The following CDIN1 variants were observed in gnomAD, a reference collection of about 807,000 sequenced individuals.
CDIN1 encodes CDAN1-interacting nuclease 1.
Under a neutral mutation model 45.3 loss-of-function variants are expected in CDIN1, and 33 were observed. That is an observed-to-expected ratio of 0.73 (90% CI 0.55 to 0.97). The LOEUF (loss-of-function observed/expected upper bound fraction) is 0.97, where lower values mean the gene tolerates loss of function less well. CDIN1 is among the 50% of genes least tolerant of loss of function. The pLI, the probability that CDIN1 is intolerant of heterozygous loss-of-function variation, is 0.00. For synonymous variants in CDIN1, 118 were observed against 124.4 expected (o/e 0.95, Z 0.34); for missense variants, 303 against 339.4 (o/e 0.89, Z 0.84).
intron 5 of CDIN1, among the ~76,000 whole-genome samples, chr15:36,665,677 A>T (rs1055954395): frequency 8.4e-6 from 1 of 119,342 alleles, no homozygotes; most frequent in African/African-American, 2.9e-5. Context: ...ATTTGGACAG[A>T]GATGGTCTTT....
intron 5 of CDIN1, among the ~76,000 whole-genome samples, chr15:36,686,894 AGAGAGAGG>A (rs1466931224): frequency 9.8e-6 from 1 of 101,938 alleles, no homozygotes; most frequent in East Asian, 3.3e-4. Flanking sequence ...AGGGTGGGAG[AGAGAGAGG>A]GAGGGAGAGA....
At chr15:36,660,436 T>A (rs1043843480) in intron 5 of CDIN1, among the ~76,000 whole-genome samples, 32 of 152,214 alleles carry the variant, frequency 2.1e-4, no homozygotes, top group African/African-American at 6.8e-4. Context: ...ATTACTTTCA[T>A]TAGATCAATG....
rs570614756 is a variant in CDIN1, at chr15:36,606,586, C to A, written c.101+26625C>A. ...GAAAAATCATCCAAAATAAGCCATA[C>A]AGGACAAAGGCTAAAAAGCTTCTGG... On this transcript the variant is annotated intron_variant, in intron 1 of 10. Coordinates refer to ENST00000566621, the MANE Select transcript of CDIN1 (RefSeq NM_001321759.2). Among the ~76,000 whole-genome samples, 44 of 152,258 alleles carry A rather than the reference C, an allele frequency of 2.9e-4. 1 individual carries two copies. The highest frequency in any genetic ancestry group is 4.6e-4 in the Non-Finnish European group (31 of 67,994).
intron 1 of CDIN1, among the ~76,000 whole-genome samples, chr15:36,605,559 T>C (rs182135060): frequency 1.3e-5 from 2 of 152,334 alleles, no homozygotes; most frequent in East Asian, 1.9e-4. Context: ...GTAGTCAGAG[T>C]GTGACCACCA....
intron 10 of CDIN1, among the ~76,000 whole-genome samples, chr15:36,716,841 G>C (rs1205086834): frequency 6.6e-6 from 1 of 152,176 alleles, no homozygotes; most frequent in Non-Finnish European, 1.5e-5. Flanking sequence ...AACATTTACA[G>C]GCACTGTGTT....
chr15:36,753,574 T>C (rs1746698633), intron 10 of CDIN1, among the ~76,000 whole-genome samples: 1 of 151,974 alleles, frequency 6.6e-6, no homozygotes, highest in Admixed American at 6.6e-5. Flanking sequence ...CAATGGTATT[T>C]GCATAGACAA....
At chr15:36,675,574 A>G (rs919971586) in intron 5 of CDIN1, among the ~76,000 whole-genome samples, 1 of 152,170 alleles carries the variant, frequency 6.6e-6, no homozygotes, top group Non-Finnish European at 1.5e-5. Flanking sequence ...TTGTGCTGCC[A>G]TTGTGCTCAG....
At chr15:36,696,702 A>G (rs1296651116) in intron 7 of CDIN1, among the ~76,000 whole-genome samples, 2 of 152,214 alleles carry the variant, frequency 1.3e-5, no homozygotes, top group African/African-American at 4.8e-5. Flanking sequence ...CACCTTGCCC[A>G]GCTGAATTGG....
At chr15:36,607,529 G>A (rs2038434461) in intron 1 of CDIN1, among the ~76,000 whole-genome samples, 1 of 151,994 alleles carries the variant, frequency 6.6e-6, no homozygotes, top group Non-Finnish European at 1.5e-5. Flanking sequence ...TCCACTAGAA[G>A]TGTGCCCGCG....
At chr15:36,645,169 C>A (rs1301394603) in intron 2 of CDIN1, 54 bp from the exon 3 acceptor site, 2 of 1,353,932 alleles carry the variant, frequency 1.5e-6, no homozygotes, top group East Asian at 2.5e-5. Context: ...TTGTTTTGAA[C>A]CTCATCTGTG....
chr15:36,580,845 C>T (rs551686225), intron 1 of CDIN1, among the ~76,000 whole-genome samples: 4 of 152,306 alleles, frequency 2.6e-5, no homozygotes, highest in Non-Finnish European at 5.9e-5. Flanking sequence ...ATGGTTATTC[C>T]TAATGGAGAG....
At chr15:36,587,836 G>T (rs933819619) in intron 1 of CDIN1, among the ~76,000 whole-genome samples, 1 of 152,116 alleles carries the variant, frequency 6.6e-6, no homozygotes, top group Non-Finnish European at 1.5e-5. Context: ...GAGGAAGCAG[G>T]ATATCAAACC....
chr15:36,662,834 C>A (rs2041069972), intron 5 of CDIN1, among the ~76,000 whole-genome samples: 2 of 144,770 alleles, frequency 1.4e-5, no homozygotes, highest in South Asian at 2.2e-4. Context: ...TGTCTGGGAC[C>A]AGAAGTGTTT....
intron 10 of CDIN1, among the ~76,000 whole-genome samples, chr15:36,778,085 T>TTCC (rs1275661622): frequency 1.3e-5 from 2 of 152,192 alleles, no homozygotes; most frequent in East Asian, 3.8e-4. Flanking sequence ...AGGAATGTAA[T>TTCC]CCTGAATATC....
At chr15:36,720,457 G>A (rs574441840) in intron 10 of CDIN1, among the ~76,000 whole-genome samples, 78 of 130,562 alleles carry the variant, frequency 6.0e-4, no homozygotes, top group African/African-American at 2.0e-3. Flanking sequence ...GCCCCAGAGT[G>A]TGATATTCCC....
chr15:36,643,259 G>GT (rs2040182834), intron 1 of CDIN1, among the ~76,000 whole-genome samples: 2 of 152,140 alleles, frequency 1.3e-5, no homozygotes, highest in South Asian at 4.1e-4. Context: ...AATTTGTAAT[G>GT]TCATCCAGAA....
chr15:36,744,169 C>T (rs900900216), intron 10 of CDIN1, among the ~76,000 whole-genome samples: 1 of 152,158 alleles, frequency 6.6e-6, no homozygotes, highest in African/African-American at 2.4e-5. Context: ...CTTGCAGGCT[C>T]TTCAGAGCAA....
At chr15:36,617,315 G>T in intron 1 of CDIN1, 1 of 1,366,854 alleles carries the variant, frequency 7.3e-7, no homozygotes, top group Non-Finnish European at 1.0e-6. Flanking sequence ...TCTTTGTCTT[G>T]TGAAACCACA....
chr15:36,709,989 A>G (rs762385197), intron 10 of CDIN1, 28 bp downstream of exon 10: 38 of 1,524,304 alleles, frequency 2.5e-5, no homozygotes, highest in Non-Finnish European at 3.1e-5. Context: ...TTCTTTTAAG[A>G]TAAACGATAC....
Sources: gnomAD v4.1 joint callset for allele counts (sites outside exome capture counted in the v4.1 genomes callset) on GRCh38, gnomAD v4.1.1 for gene constraint, MANE v1.5 for transcripts, NCBI Gene and HGNC (gene_info 2026-07-23, HGNC 2026-07-21) for gene names.